The following RRP1B variants were observed in gnomAD, a reference collection of about 807,000 sequenced individuals.
RRP1B encodes ribosomal RNA processing 1B, also known as ribosomal RNA processing protein 1 homolog B.
In RRP1B, 56 loss-of-function variants were observed where a neutral mutation model predicts 80.2. The ratio of observed to expected loss-of-function variants is 0.70; its 90% CI spans 0.56 to 0.87. The LOEUF (loss-of-function observed/expected upper bound fraction) is 0.87, where lower values mean the gene tolerates loss of function less well. RRP1B is among the 40% of genes least tolerant of loss of function. The pLI, the probability that RRP1B is intolerant of heterozygous loss-of-function variation, is 0.00. For missense variants in RRP1B, 807 were observed against 939.8 expected, an observed-to-expected ratio of 0.86 and a Z score of 1.85; for synonymous variants, 351 against 357.6, an observed-to-expected ratio of 0.98 and a Z score of 0.21.
chr21:43,661,270 C>G (rs1324263107), intron 1 of RRP1B, among the ~76,000 whole-genome samples: 1 of 152,204 alleles, frequency 6.6e-6, no homozygotes, highest in Admixed American at 6.5e-5. Flanking sequence ...TTCCTACTTG[C>G]AGCTCGGATG....
rs2082993682 is a variant in RRP1B at position 43,670,081 on chromosome 21, T to C, written c.213+115T>C. 3 of 610,920 alleles carry C rather than the reference T, an allele frequency of 4.9e-6. No homozygotes were observed. The Admixed American group carries it at 1.0e-4, about 21-fold the overall frequency. The allele number at this position is 610,920 out of a possible 1,614,324, so 37.8% of individuals were successfully genotyped here. A position where few individuals can be genotyped will look rare whatever the true frequency, so the allele number is the denominator to read the frequency against. On this transcript the variant is annotated intron_variant, in intron 2 of 15. Coordinates refer to ENST00000340648, the MANE Select transcript of RRP1B (RefSeq NM_015056.3). ...CACTGACGCACACTGACAGTCATGC[T>C]TCAAGGAGTCATTTTCGTACCTCTT... is the stretch of plus-strand genomic sequence containing the variant.
intron 1 of RRP1B, among the ~76,000 whole-genome samples, chr21:43,666,681 G>A (rs545756796): frequency 1.5e-4 from 22 of 149,004 alleles, no homozygotes; most frequent in African/African-American, 5.0e-4. Context: ...TTGCACCACT[G>A]CACTCCAGCC....
At position 43,672,357 on chromosome 21, in the gene RRP1B, C is replaced by G; in HGVS notation, c.263C>G (p.Ser88Ter). Residue 88 changes from serine (S) to a stop codon, truncating the protein, a stop_gained, in exon 3 of 16, where the codon TCA (serine) becomes TGA (stop). Transcript: ENST00000340648. LOFTEE classifies it high-confidence loss of function. ...IAQLVHAVNNSAAQHLFIQTF... is the reference protein window; with the variant it reads ...IAQLVHAVNN ...CAGCTAGTCCATGCTGTTAACAACTCAGCGGCTCGTAAGTCCTGTTGTTTC... is the reference window on the plus strand; with the variant it reads ...CAGCTAGTCCATGCTGTTAACAACTGAGCGGCTCGTAAGTCCTGTTGTTTC... The G allele has an allele frequency of 6.2e-7, 1 of 1,614,004 alleles. No homozygotes were observed. Among genetic ancestry groups the G allele is most frequent in the Non-Finnish European group, 8.5e-7 (1 of 1,179,860 alleles).
chr21:43,677,610 T>TA (rs531925260), intron 8 of RRP1B, among the ~76,000 whole-genome samples: 2 of 152,232 alleles, frequency 1.3e-5, no homozygotes, highest in Non-Finnish European at 2.9e-5. Context: ...TATATATATA[T>TA]TTTTTAAAGC....
intron 1 of RRP1B, among the ~76,000 whole-genome samples, chr21:43,661,694 C>T (rs2082958294): frequency 6.6e-6 from 1 of 152,156 alleles, no homozygotes; most frequent in Admixed American, 6.5e-5. Flanking sequence ...AAATCTGATC[C>T]CACATCACCA....
chr21:43,671,620 G>A (rs758214236), intron 2 of RRP1B, among the ~76,000 whole-genome samples: 1 of 151,976 alleles, frequency 6.6e-6, no homozygotes, highest in African/African-American at 2.4e-5. Flanking sequence ...CACCCGCCTC[G>A]GCCTCCCAAA....
At chr21:43,673,699 A>G (rs1028463755) in intron 3 of RRP1B, among the ~76,000 whole-genome samples, 171 bp from the exon 4 acceptor site, 5 of 152,146 alleles carry the variant, frequency 3.3e-5, no homozygotes, top group African/African-American at 1.2e-4. Flanking sequence ...AAATAAGTGT[A>G]AAAGAAATGA....
intron 8 of RRP1B, 46 bp downstream of exon 8, chr21:43,676,960 C>G (rs766306753): frequency 1.7e-5 from 26 of 1,565,800 alleles, no homozygotes; most frequent in Non-Finnish European, 2.3e-5. Flanking sequence ...CTGCTAAAAT[C>G]CTCCTCAGAC....
At position 43,672,366 on chromosome 21, in the gene RRP1B, G is replaced by C. The variant is rs752847304; in HGVS notation, c.271+1G>C. Reference sequence around the variant, plus strand: ...CATGCTGTTAACAACTCAGCGGCTCGTAAGTCCTGTTGTTTCTTCTCCTTC... The same window carrying C: ...CATGCTGTTAACAACTCAGCGGCTCCTAAGTCCTGTTGTTTCTTCTCCTTC... On this transcript the variant is annotated splice_donor_variant, in intron 3 of 15. Coordinates refer to ENST00000340648, the MANE Select transcript of RRP1B (RefSeq NM_015056.3). LOFTEE classifies it high-confidence loss of function. 12 of 1,613,288 alleles carry C rather than the reference G, an allele frequency of 7.4e-6. No homozygotes were observed.
intron 1 of RRP1B, among the ~76,000 whole-genome samples, chr21:43,665,948 G>A (rs9977076): frequency 0.68 from 102,952 of 152,058 alleles, 35,422 homozygotes; most frequent in East Asian, 0.82. Flanking sequence ...GCATTAACCA[G>A]CTTAAACCCA....
chr21:43,684,030 A>ATT (rs571614467), intron 9 of RRP1B, among the ~76,000 whole-genome samples: 1 of 139,904 alleles, frequency 7.1e-6, no homozygotes, highest in African/African-American at 2.8e-5. Flanking sequence ...CTCTATCACA[A>ATT]TTTTTTTTTT....
chr21:43,666,716 CAAAAAAAA>C (rs34846277), intron 1 of RRP1B, among the ~76,000 whole-genome samples: 1 of 127,004 alleles, frequency 7.9e-6, no homozygotes, highest in African/African-American at 2.9e-5. Context: ...AAACTGTCTC[CAAAAAAAA>C]AAAAAAAAAA....
intron 1 of RRP1B, among the ~76,000 whole-genome samples, chr21:43,660,810 T>C (rs1386055873): frequency 6.6e-6 from 1 of 152,154 alleles, no homozygotes; most frequent in Non-Finnish European, 1.5e-5. Context: ...GTTGGAGATG[T>C]AGGCAGTGGC....
chr21:43,659,566 AGTCGCGGCCCGGGCGGACGGTGGCTG>A lies in RRP1B; in HGVS notation c.-97_-72del. Reference sequence around the variant, plus strand: ...GCGCCGCCGCCGCCGCCTTCTGTGCAGTCGCGGCCCGGGCGGACGGTGGCTGGCTGCTCCGCAGCGCTCGGCTGGCT... The same window carrying A: ...GCGCCGCCGCCGCCGCCTTCTGTGCAGCTGCTCCGCAGCGCTCGGCTGGCT... On this transcript the variant is annotated 5_prime_UTR_variant, in exon 1 of 16. Transcript: ENST00000340648. The surrounding 1 kb of genome is among the most constrained non-coding windows in gnomAD (Gnocchi z 4.2). 8.3e-7 allele frequency: 1 copy of A among 1,205,604 alleles called. No homozygotes were observed. The allele number at this position is 1,205,604 out of a possible 1,614,324, so 74.7% of individuals were successfully genotyped here. A position where few individuals can be genotyped will look rare whatever the true frequency, so the allele number is the denominator to read the frequency against.
intron 13 of RRP1B, among the ~76,000 whole-genome samples, chr21:43,689,502 A>G (rs2147177090): frequency 6.6e-6 from 1 of 152,214 alleles, no homozygotes; most frequent in Admixed American, 6.5e-5. Context: ...CTCCTACCTC[A>G]CAGTGCCGCC....
chr21:43,676,357 T>C, intron 7 of RRP1B, 21 bp downstream of exon 7: 1 of 1,586,184 alleles, frequency 6.3e-7, no homozygotes, highest in Non-Finnish European at 8.7e-7. Context: ...CCCCTGTTCG[T>C]TCCTCCTGCT....
chr21:43,683,870 T>C (rs2083052586), intron 9 of RRP1B, among the ~76,000 whole-genome samples: 1 of 149,326 alleles, frequency 6.7e-6, no homozygotes, highest in Non-Finnish European at 1.5e-5. Flanking sequence ...TCCCAGCTAC[T>C]CGGGAGGCTG....
Position 43,676,292 on chromosome 21 carries a change from C to G in RRP1B, c.570C>G (p.Leu190=). ...TACAGCTTTTAGCAGATCAGAATCT[C>G]AAGTTTATCGATCCATTCTGCAAAA... is the stretch of plus-strand genomic sequence containing the variant. The part of the protein sequence containing the change: ...GGKELLADQN[L]KFIDPFCKIA... Residue 190 remains leucine, a synonymous_variant, in exon 7 of 16, where the codon CTC becomes CTG. Transcript: ENST00000340648. The G allele has an allele frequency of 1.2e-6, 2 of 1,612,750 alleles. No homozygotes were observed. Among genetic ancestry groups the G allele is most frequent in the South Asian group, 2.2e-5 (2 of 90,918 alleles).
intron 8 of RRP1B, among the ~76,000 whole-genome samples, chr21:43,679,526 G>T (rs2147170004): frequency 6.6e-6 from 1 of 152,276 alleles, no homozygotes; most frequent in South Asian, 2.1e-4. Context: ...ACCAGCTTCA[G>T]CCTCCCAAAG....
Sources: gnomAD v4.1 joint callset for allele counts (sites outside exome capture counted in the v4.1 genomes callset) on GRCh38, gnomAD v4.1.1 for gene constraint, Gnocchi (gnomAD v3.1) non-coding constraint, MANE v1.5 for transcripts, NCBI Gene and HGNC (gene_info 2026-07-23, HGNC 2026-07-21) for gene names.